Variants in RBFOX1 observed in about 807,000 individuals in gnomAD.
RBFOX1 encodes the protein RNA binding fox-1 homolog 1.
A neutral mutation model predicts 57.7 loss-of-function variants in RBFOX1; 8 were observed. That is an observed-to-expected ratio of 0.14 (90% CI 0.08 to 0.25). The LOEUF is 0.25. RBFOX1 is among the 10% of genes least tolerant of loss of function. The pLI, the probability that RBFOX1 is intolerant of heterozygous loss-of-function variation, is 1.00. For synonymous variants in RBFOX1, 326 were observed against 222.4 expected, an observed-to-expected ratio of 1.47 and a Z score of -4.15; for missense variants, 611 against 548.5, an observed-to-expected ratio of 1.11 and a Z score of -1.14.
intron 4 of RBFOX1, among the ~76,000 whole-genome samples, chr16:7,174,568 G>T (rs2081297351): frequency 6.6e-6 from 1 of 152,126 alleles, no homozygotes; most frequent in Non-Finnish European, 1.5e-5. Flanking sequence ...ATCACTTGAG[G>T]TCAGGAGTTT....
chr16:6,800,637 C>A (rs982794521), intron 3 of RBFOX1, among the ~76,000 whole-genome samples: 2 of 152,050 alleles, frequency 1.3e-5, no homozygotes, highest in African/African-American at 2.4e-5. Context: ...TAATTCTTTG[C>A]AATTACTTTT....
At chr16:6,564,166 G>A (rs1404935432) in intron 2 of RBFOX1, among the ~76,000 whole-genome samples, 1 of 152,064 alleles carries the variant, frequency 6.6e-6, no homozygotes, top group South Asian at 2.1e-4. Flanking sequence ...CTGTAAGCTT[G>A]ATGAGGATAA....
intron 4 of RBFOX1, among the ~76,000 whole-genome samples, chr16:7,353,047 A>T (rs35503704): frequency 0.19 from 28,434 of 152,052 alleles, 2,786 homozygotes; most frequent in African/African-American, 0.23. Flanking sequence ...TTCAGGTTAC[A>T]GGTTTGTGCA....
chr16:7,355,296 CTG>C (rs1186520978), intron 4 of RBFOX1, among the ~76,000 whole-genome samples: 2 of 152,202 alleles, frequency 1.3e-5, no homozygotes, highest in Non-Finnish European at 2.9e-5. Context: ...GTCAAGGTCT[CTG>C]AGAAATTTTA....
chr16:7,389,338 C>T lies in RBFOX1; in HGVS notation c.28-128809C>T, dbSNP rs531935404. On this transcript the variant is annotated intron_variant, in intron 4 of 15. Coordinates refer to ENST00000550418, the MANE Select transcript of RBFOX1 (RefSeq NM_018723.4). ...ACGAGGTCTTGCCATGTAGCCCAGGCTGGTCTTAAACCCCTGGGCTCAGGT... is the reference window on the plus strand; with the variant it reads ...ACGAGGTCTTGCCATGTAGCCCAGGTTGGTCTTAAACCCCTGGGCTCAGGT... 4.8e-4 allele frequency among the ~76,000 whole-genome samples: 73 copies of T among 152,236 alleles called. 2 individuals are homozygous for T. Among genetic ancestry groups the T allele is most frequent in the Admixed American group, 2.4e-3 (37 of 15,294 alleles).
At position 6,780,390 on chromosome 16, in the gene RBFOX1, A is replaced by ATATTTT. The variant is rs1253297368; in HGVS notation, c.-16+125743_-16+125744insTTTTAT. Among the ~76,000 whole-genome samples, 19 of 89,094 alleles carry ATATTTT rather than the reference A, an allele frequency of 2.1e-4. 1 individual carries two copies. The highest frequency in any genetic ancestry group is 7.5e-4 in the South Asian group (2 of 2,666). 58.4% of individuals were successfully genotyped at this position (89,094 alleles called of 152,430 possible). A position where few individuals can be genotyped will look rare whatever the true frequency, so the allele number is the denominator to read the frequency against. On this transcript the variant is annotated intron_variant, in intron 3 of 15. Transcript: ENST00000550418. ...ATTTATAGATATATTTATACATATT[A>ATATTTT]TATATATTTTTATATATATTTATAT...
rs192253373 is a variant in RBFOX1 at position 6,838,448 on chromosome 16, C to G, written c.-16+183798C>G. Among the ~76,000 whole-genome samples, 540 of 152,278 alleles carry G rather than the reference C, an allele frequency of 3.5e-3. 5 individuals are homozygous for G. Among genetic ancestry groups the G allele is most frequent in the Non-Finnish European group, 5.5e-3 (374 of 68,028 alleles). ...TATTATTGATGGGCATTTGGGTTGACTAGCCCTTTTCTAGAAATGTCTGAA... is the reference window on the plus strand; with the variant it reads ...TATTATTGATGGGCATTTGGGTTGAGTAGCCCTTTTCTAGAAATGTCTGAA... On this transcript the variant is annotated intron_variant, in intron 3 of 15. Transcript: ENST00000550418.
At chr16:6,792,860 C>G (rs2083235385) in intron 3 of RBFOX1, among the ~76,000 whole-genome samples, 1 of 151,964 alleles carries the variant, frequency 6.6e-6, no homozygotes, top group South Asian at 2.1e-4. Context: ...GAAACCCTGT[C>G]TCTACTAAAA....
chr16:5,963,488 C>T (rs143717680), intron 4 of RBFOX1, among the ~76,000 whole-genome samples: 3 of 152,332 alleles, frequency 2.0e-5, no homozygotes, highest in Admixed American at 2.0e-4. Flanking sequence ...GGAGGTATCA[C>T]ACTTCCTGGT....
At chr16:6,992,979 A>G (rs977655952) in intron 3 of RBFOX1, among the ~76,000 whole-genome samples, 3 of 152,194 alleles carry the variant, frequency 2.0e-5, no homozygotes, top group African/African-American at 4.8e-5. Flanking sequence ...TGCTTTAAAC[A>G]TAAAGCCGAG....
intron 4 of RBFOX1, among the ~76,000 whole-genome samples, chr16:7,210,424 A>C (rs1222295388): frequency 6.6e-6 from 1 of 152,116 alleles, no homozygotes; most frequent in Non-Finnish European, 1.5e-5. Context: ...GCCTTTTTCC[A>C]ATTGCACTAC....
intron 2 of RBFOX1, among the ~76,000 whole-genome samples, chr16:6,527,296 G>A (rs2096594295): frequency 6.6e-6 from 1 of 151,998 alleles, no homozygotes; most frequent in Non-Finnish European, 1.5e-5. Flanking sequence ...TCAGAAATGT[G>A]ATATCTTAGG....
At chr16:5,889,215 C>T (rs868750946) in intron 4 of RBFOX1, among the ~76,000 whole-genome samples, 1 of 152,138 alleles carries the variant, frequency 6.6e-6, no homozygotes, top group Non-Finnish European at 1.5e-5. Context: ...CATCCATTAA[C>T]TATTCCTCCT....
chr16:6,361,069 T>C (rs1353600283), intron 2 of RBFOX1, among the ~76,000 whole-genome samples: 1 of 152,146 alleles, frequency 6.6e-6, no homozygotes, highest in African/African-American at 2.4e-5. Context: ...AAGTTTAATC[T>C]TGAGCCACCC....
At chr16:6,026,836 G>A (rs1389874051) in intron 1 of RBFOX1, among the ~76,000 whole-genome samples, 1 of 152,164 alleles carries the variant, frequency 6.6e-6, no homozygotes, top group East Asian at 1.9e-4. Context: ...GGGAGCGGTT[G>A]GACCACCTGC....
chr16:5,436,443 A>T (rs2067920539), intron 1 of RBFOX1, among the ~76,000 whole-genome samples: 2 of 152,206 alleles, frequency 1.3e-5, no homozygotes, highest in African/African-American at 4.8e-5. Flanking sequence ...AGCTCTTTGC[A>T]TTCAGGCCAC....
chr16:5,283,384 G>C (rs111660255), intron 1 of RBFOX1, among the ~76,000 whole-genome samples: 3 of 152,240 alleles, frequency 2.0e-5, no homozygotes, highest in African/African-American at 7.2e-5. Flanking sequence ...CCCCAGAATG[G>C]TGGATTCACT....
chr16:5,462,579 T>G (rs2068825926), intron 1 of RBFOX1, among the ~76,000 whole-genome samples: 1 of 152,216 alleles, frequency 6.6e-6, no homozygotes, highest in Non-Finnish European at 1.5e-5. Context: ...CTTTGTACAT[T>G]GTGATAGTTT....
intron 4 of RBFOX1, among the ~76,000 whole-genome samples, chr16:7,272,728 G>C (rs1397057806): frequency 6.6e-6 from 1 of 152,088 alleles, no homozygotes; most frequent in Non-Finnish European, 1.5e-5. Context: ...AACAGACGCA[G>C]CTGAGAGCTC....
Sources: gnomAD v4.1 joint callset for allele counts (sites outside exome capture counted in the v4.1 genomes callset) on GRCh38, gnomAD v4.1.1 for gene constraint, MANE v1.5 for transcripts, NCBI Gene and HGNC (gene_info 2026-07-23, HGNC 2026-07-21) for gene names.